The following ENTREP2 variants were observed in gnomAD, a reference collection of about 807,000 sequenced individuals.
ENTREP2 encodes the protein endosomal transmembrane epsin interactor 2.
the ENTREP2 span, among the ~76,000 whole-genome samples, chr15:29,628,926 T>C: frequency 6.6e-6 from 1 of 152,292 alleles, no homozygotes; most frequent in Non-Finnish European, 1.5e-5. Flanking sequence ...ATTTTTGTAA[T>C]TTTAGTAGAG....
chr15:29,220,158 G>A, the ENTREP2 span, among the ~76,000 whole-genome samples: 1 of 152,194 alleles, frequency 6.6e-6, no homozygotes, highest in African/African-American at 2.4e-5. Context: ...GCTGTGGGCT[G>A]GGGAGACCCG....
At chr15:29,490,014 G>A in the ENTREP2 span, among the ~76,000 whole-genome samples, 14 of 152,214 alleles carry the variant, frequency 9.2e-5, no homozygotes, top group Admixed American at 2.0e-4. Context: ...ATTCTATTGG[G>A]TTCAAAGCAG....
the ENTREP2 span, among the ~76,000 whole-genome samples, chr15:29,190,454 A>G: frequency 6.6e-6 from 1 of 152,122 alleles, no homozygotes; most frequent in Admixed American, 6.5e-5. Flanking sequence ...ACAAAAGACA[A>G]TCCGAGGGAT....
the ENTREP2 span, among the ~76,000 whole-genome samples, chr15:29,139,234 A>G: frequency 6.6e-6 from 1 of 152,202 alleles, no homozygotes; most frequent in African/African-American, 2.4e-5. Context: ...CTAACACATC[A>G]CAGGAAAATG....
the ENTREP2 span, among the ~76,000 whole-genome samples, chr15:29,603,867 G>A: frequency 6.6e-6 from 1 of 152,286 alleles, no homozygotes; most frequent in African/African-American, 2.4e-5. Context: ...TTGAACTCGT[G>A]ACCTCAGGTG....
chr15:29,499,260 C>G, the ENTREP2 span, among the ~76,000 whole-genome samples: 5 of 152,016 alleles, frequency 3.3e-5, no homozygotes, highest in Non-Finnish European at 7.4e-5. Flanking sequence ...TGACAATTTT[C>G]TGTAGCAGTA....
At chr15:29,611,714 G>A in the ENTREP2 span, among the ~76,000 whole-genome samples, 14,991 of 151,972 alleles carry the variant, frequency 0.099, 1,111 homozygotes, top group African/African-American at 0.21. Context: ...GATGTTTTCT[G>A]CTCCTCCCAA....
At chr15:29,639,768 C>CTTTTTTTTTT in the ENTREP2 span, among the ~76,000 whole-genome samples, 91 of 127,236 alleles carry the variant, frequency 7.2e-4, 3 homozygotes, top group African/African-American at 2.6e-3. Flanking sequence ...TTTTTGTTTG[C>CTTTTTTTTTT]TTTTTTTTTT....
At chr15:29,674,163 C>T in the ENTREP2 span, among the ~76,000 whole-genome samples, 1 of 140,928 alleles carries the variant, frequency 7.1e-6, no homozygotes, top group Non-Finnish European at 1.5e-5. Flanking sequence ...CAGTCAAGTC[C>T]TGTGCCCCAG....
At chr15:29,642,532 A>G in the ENTREP2 span, among the ~76,000 whole-genome samples, 1 of 148,116 alleles carries the variant, frequency 6.8e-6, no homozygotes, top group African/African-American at 2.5e-5. Context: ...ATACACATAT[A>G]TATCATATGT....
At chr15:29,490,490 GA>G in the ENTREP2 span, among the ~76,000 whole-genome samples, 1 of 152,194 alleles carries the variant, frequency 6.6e-6, no homozygotes, top group Non-Finnish European at 1.5e-5. Context: ...CCATTTTACA[GA>G]GAGCTGACTG....
chr15:29,345,309 G>A, the ENTREP2 span, among the ~76,000 whole-genome samples: 1 of 152,180 alleles, frequency 6.6e-6, no homozygotes, highest in African/African-American at 2.4e-5. Flanking sequence ...AGGCCTTTCA[G>A]GAGTAATGCC....
the ENTREP2 span, among the ~76,000 whole-genome samples, chr15:29,127,592 G>A: frequency 6.6e-6 from 1 of 152,154 alleles, no homozygotes. Context: ...AGCCACCAAG[G>A]TGGTCCTCTA....
chr15:29,378,908 T>A, the ENTREP2 span, among the ~76,000 whole-genome samples: 2 of 152,224 alleles, frequency 1.3e-5, no homozygotes, highest in Non-Finnish European at 2.9e-5. Context: ...TTGCATCTAT[T>A]GTGAATGCCT....
chr15:29,385,266 G>A, the ENTREP2 span, among the ~76,000 whole-genome samples: 125 of 152,284 alleles, frequency 8.2e-4, no homozygotes, highest in Non-Finnish European at 1.5e-3. Context: ...TAAGCCTGAA[G>A]GAAGTTAATA....
the ENTREP2 span, among the ~76,000 whole-genome samples, chr15:29,491,626 A>G: frequency 2.0e-5 from 3 of 152,200 alleles, no homozygotes; most frequent in Admixed American, 1.3e-4. Context: ...CACAGTAGCT[A>G]TCTGACTGCA....
chr15:29,583,771 C>G, the ENTREP2 span, among the ~76,000 whole-genome samples: 1 of 152,094 alleles, frequency 6.6e-6, no homozygotes, highest in Non-Finnish European at 1.5e-5. Context: ...TTCAAACAAC[C>G]AAAATAACTA....
the ENTREP2 span, among the ~76,000 whole-genome samples, chr15:29,174,880 T>C: frequency 3.9e-5 from 6 of 152,216 alleles, no homozygotes; most frequent in Admixed American, 2.0e-4. Context: ...AGAAAACTTA[T>C]GCATCACAAA....
At chr15:29,581,854 CA>C in the ENTREP2 span, among the ~76,000 whole-genome samples, 4 of 151,380 alleles carry the variant, frequency 2.6e-5, no homozygotes, top group South Asian at 6.2e-4. Context: ...ATAGAGTAAT[CA>C]ATATATTGTG....
Sources: allele counts gnomAD v4.1 joint callset (sites outside exome capture counted in the v4.1 genomes callset), GRCh38; gene constraint gnomAD v4.1.1; transcripts MANE v1.5; gene names NCBI Gene and HGNC (gene_info 2026-07-23, HGNC 2026-07-21).